The following CAPRIN2 variants were observed in gnomAD, a reference collection of about 807,000 sequenced individuals.
The protein encoded by CAPRIN2 is caprin-2.
In CAPRIN2, 66 loss-of-function variants were observed where a neutral mutation model predicts 130.4. The ratio of observed to expected loss-of-function variants is 0.51; its 90% CI spans 0.42 to 0.62. The LOEUF (loss-of-function observed/expected upper bound fraction) is 0.62. CAPRIN2 is among the 20% of genes least tolerant of loss of function. The pLI, the probability that CAPRIN2 is intolerant of heterozygous loss-of-function variation, is 0.00. For missense variants in CAPRIN2, 1,185 were observed against 1,246.6 expected (o/e 0.95, Z 0.74); for synonymous variants, 471 against 444.1 (o/e 1.06, Z -0.76).
chr12:30,733,800 A>C (rs1053319722), intron 4 of CAPRIN2, 89 bp from the exon 6 acceptor site: 1 of 827,276 alleles, frequency 1.2e-6, no homozygotes, highest in Non-Finnish European at 2.0e-6. Flanking sequence ...ACCCATTAAC[A>C]GACAAGACAT....
chr12:30,734,780 C>T (rs568415548), intron 4 of CAPRIN2, among the ~76,000 whole-genome samples, 188 bp downstream of exon 5: 89 of 152,090 alleles, frequency 5.9e-4, no homozygotes, highest in African/African-American at 2.1e-3. Flanking sequence ...CCCTGTCAGA[C>T]TCTGGGCCAG....
At chr12:30,711,252 AACC>A (rs2054432539) in intron 16 of CAPRIN2, among the ~76,000 whole-genome samples, 1 of 152,234 alleles carries the variant, frequency 6.6e-6, no homozygotes, top group East Asian at 1.9e-4. Context: ...TTATTACAAA[AACC>A]ACCATCGTGA....
intron 7 of CAPRIN2, 74 bp from the exon 9 acceptor site, chr12:30,729,399 T>C: frequency 9.8e-7 from 1 of 1,024,788 alleles, no homozygotes; most frequent in Non-Finnish European, 1.4e-6. Flanking sequence ...ACTCTATTAG[T>C]ATTGCTATGT....
At chr12:30,735,077 T>C (rs2064132462) in exon 4 of CAPRIN2, 2 of 1,614,188 alleles carry the variant, frequency 1.2e-6, no homozygotes, top group African/African-American at 1.3e-5. Context: ...TTGAAGTCTT[T>C]TTGTACGTGC....
chr12:30,719,151 C>T (rs771677332), intron 12 of CAPRIN2: 18 of 1,613,986 alleles, frequency 1.1e-5, no homozygotes, highest in Non-Finnish European at 1.4e-5. Flanking sequence ...ACTGGAAGCC[C>T]TGTTCAGAGC....
intron 3 of CAPRIN2, among the ~76,000 whole-genome samples, chr12:30,736,396 AC>A (rs2064819999): frequency 2.2e-5 from 3 of 133,356 alleles, no homozygotes; most frequent in Non-Finnish European, 3.2e-5. Context: ...AGATTAAAAT[AC>A]AAAAAAAAAA....
intron 3 of CAPRIN2, among the ~76,000 whole-genome samples, chr12:30,738,647 C>T (rs1006423948): frequency 1.3e-5 from 2 of 152,060 alleles, no homozygotes; most frequent in African/African-American, 4.8e-5. Context: ...AAAACTTTTG[C>T]AAACTATGCA....
chr12:30,713,633 C>T, intron 15 of CAPRIN2, 152 bp downstream of exon 17: 1 of 476,762 alleles, frequency 2.1e-6, no homozygotes, highest in Admixed American at 3.5e-5. Context: ...CAAAAACTTC[C>T]AACTCAACTC....
intron 2 of CAPRIN2, 47 bp from the exon 4 acceptor site, chr12:30,741,153 T>A (rs767191891): frequency 1.8e-6 from 2 of 1,111,798 alleles, no homozygotes; most frequent in South Asian, 1.3e-5. Context: ...TGTTTAAGTA[T>A]AAATATGTGA....
intron 5 of CAPRIN2, among the ~76,000 whole-genome samples, chr12:30,733,178 T>A (rs768964758): frequency 1.3e-5 from 2 of 152,140 alleles, no homozygotes; most frequent in Non-Finnish European, 2.9e-5. Flanking sequence ...CCAAAAGAAC[T>A]CTCTTTCCAC....
At chr12:30,747,388 A>G (rs2071108470) in intron 2 of CAPRIN2, among the ~76,000 whole-genome samples, 1 of 152,172 alleles carries the variant, frequency 6.6e-6, no homozygotes, top group South Asian at 2.1e-4. Context: ...TTCTTAAGAA[A>G]TACATTTGGC....
At chr12:30,711,148 T>A (rs901469541) in intron 16 of CAPRIN2, among the ~76,000 whole-genome samples, 2 of 152,212 alleles carry the variant, frequency 1.3e-5, no homozygotes, top group Non-Finnish European at 2.9e-5. Context: ...TTAAAAAGTG[T>A]TATAACTATT....
chr12:30,735,503 T>G (rs1291200205), intron 3 of CAPRIN2, among the ~76,000 whole-genome samples: 1 of 152,212 alleles, frequency 6.6e-6, no homozygotes, highest in Non-Finnish European at 1.5e-5. Context: ...GATGTCCATA[T>G]TCATTTCAAC....
In CAPRIN2 at chr12:30,710,843, T is replaced by C. The variant is rs1003099049; in HGVS notation, c.2666-373A>G. On this transcript the variant is annotated intron_variant, in intron 16 of 16. Transcript: ENST00000298892. This position sits in a 1 kb window ranked among gnomAD's most constrained non-coding sequence, Gnocchi z 4.8. ...TCTACAAAGCACCTAATGTAGAAGG[T>C]CTCAAGAAAATGGAGACTACATAAA... 6.6e-6 allele frequency among the ~76,000 whole-genome samples: 1 copy of C among 152,158 alleles called. No homozygotes were observed. Among genetic ancestry groups the C allele is most frequent in the Non-Finnish European group, 1.5e-5 (1 of 68,016 alleles).
At chr12:30,713,920 C>CA in intron 14 of CAPRIN2, 35 bp from the exon 17 acceptor site, 1 of 1,228,564 alleles carries the variant, frequency 8.1e-7, no homozygotes. Context: ...AGATTATGGA[C>CA]AAAATCATAT....
intron 12 of CAPRIN2, 42 bp downstream of exon 13, chr12:30,720,769 T>C (rs1237797554): frequency 8.7e-7 from 1 of 1,152,432 alleles, no homozygotes. Flanking sequence ...GGTTCTGCTA[T>C]TCTTTAAGAT....
chr12:30,735,929 C>A (rs186117586), intron 3 of CAPRIN2, among the ~76,000 whole-genome samples: 1 of 151,976 alleles, frequency 6.6e-6, no homozygotes, highest in Admixed American at 6.5e-5. Flanking sequence ...TCACTTGACC[C>A]CAGGAATTCA....
At chr12:30,709,812 A>G in exon 17 of CAPRIN2, 1 of 1,436,016 alleles carries the variant, frequency 7.0e-7, no homozygotes, top group Non-Finnish European at 9.4e-7. Context: ...ACATTTTCCT[A>G]AACCAATCAG....
At chr12:30,749,874 T>C (rs548006198) in intron 2 of CAPRIN2, among the ~76,000 whole-genome samples, 1 of 152,212 alleles carries the variant, frequency 6.6e-6, no homozygotes, top group African/African-American at 2.4e-5. Context: ...ATACTGAGAA[T>C]GAAGTTTGCC....
Sources: allele counts gnomAD v4.1 joint callset (sites outside exome capture counted in the v4.1 genomes callset), GRCh38; gene constraint gnomAD v4.1.1; non-coding constraint Gnocchi (gnomAD v3.1); transcripts MANE v1.5; gene names NCBI Gene and HGNC (gene_info 2026-07-23, HGNC 2026-07-21).